The following BTAF1 variants were observed in gnomAD, a reference collection of about 807,000 sequenced individuals.
The protein encoded by BTAF1 is TATA-binding protein-associated factor 172.
Under a neutral mutation model 227.1 loss-of-function variants are expected in BTAF1, and 38 were observed. That is an observed-to-expected ratio of 0.17 (90% CI 0.13 to 0.22). The LOEUF (loss-of-function observed/expected upper bound fraction) is 0.22. BTAF1 is among the 10% of genes least tolerant of loss of function. BTAF1 has a pLI of 1.00. For synonymous variants in BTAF1, 742 were observed against 751.9 expected (o/e 0.99, Z 0.21); for missense variants, 1,598 against 2,204.0 (o/e 0.73, Z 5.51).
At chr10:92,017,833 G>A (rs1011423991) in intron 33 of BTAF1, among the ~76,000 whole-genome samples, 1 of 152,118 alleles carries the variant, frequency 6.6e-6, no homozygotes, top group African/African-American at 2.4e-5. Context: ...TTTAATCCTA[G>A]TGCTCAGCAC....
Position 91,924,084 on chromosome 10 carries a change from T to C in BTAF1, c.8T>C (p.Val3Ala). The change falls in exon 1 of 38, where the codon GTC becomes GCC. Residue 3 changes from valine (V) to alanine (A), a missense_variant. By Grantham distance (64) the Val-to-Ala change is moderately conservative. Coordinates refer to ENST00000265990, the MANE Select transcript of BTAF1 (RefSeq NM_003972.3). The part of the protein sequence containing the change: MA[V>A]SRLDRLFILL... ...AACCGCCGGCGCCCGGCCATGGCGGTCTCCAGGTGGGTCTTGCTCCTGACG... is the reference window on the plus strand; with the variant it reads ...AACCGCCGGCGCCCGGCCATGGCGGCCTCCAGGTGGGTCTTGCTCCTGACG... 1.2e-6 allele frequency: 2 copies of C among 1,608,656 alleles called. No individual in the cohort carries two copies. The highest frequency in any genetic ancestry group is 1.7e-6 in the Non-Finnish European group (2 of 1,178,402).
In BTAF1 at chr10:91,989,566, A is replaced by G; in HGVS notation, c.2840A>G (p.Gln947Arg). The G allele has an allele frequency of 6.3e-7, 1 of 1,597,792 alleles. No individual in the cohort carries two copies. Among genetic ancestry groups the G allele is most frequent in the Non-Finnish European group, 8.5e-7 (1 of 1,175,254 alleles). Residue 947 changes from glutamine to arginine, a missense_variant, in exon 20 of 38, where the codon CAG (glutamine) becomes CGG (arginine). Coordinates refer to ENST00000265990, the MANE Select transcript of BTAF1 (RefSeq NM_003972.3). ...TGTCCAGTACCAACACAAAGTGGCC[A>G]GGAAAATTCTAAAGGTATATACCTA... ...VTCPVPTQSGQENSKGSTSEK... is the reference protein window; with the variant it reads ...VTCPVPTQSGRENSKGSTSEK...
At chr10:91,953,629 G>T in intron 5 of BTAF1, 108 bp from the exon 6 acceptor site, 1 of 1,188,602 alleles carries the variant, frequency 8.4e-7, no homozygotes, top group Non-Finnish European at 1.2e-6. Flanking sequence ...GAATGTGATC[G>T]ATGTATATAT....
chr10:91,940,376 A>C (rs376373647), intron 3 of BTAF1, among the ~76,000 whole-genome samples: 1 of 152,122 alleles, frequency 6.6e-6, no homozygotes. Context: ...TACAGTGTAA[A>C]TATTTGAAAG....
intron 2 of BTAF1, among the ~76,000 whole-genome samples, chr10:91,939,152 C>A (rs1345509603): frequency 6.6e-6 from 1 of 152,044 alleles, no homozygotes; most frequent in South Asian, 2.1e-4. Context: ...TTTCATTGTA[C>A]AAGTCATACA....
chr10:91,956,548 A>T lies in BTAF1; in HGVS notation c.722A>T (p.Glu241Val), dbSNP rs752910375. 1 of 1,600,684 alleles carries T rather than the reference A, an allele frequency of 6.2e-7. No individual in the cohort carries two copies. Among genetic ancestry groups the T allele is most frequent in the Non-Finnish European group, 8.5e-7 (1 of 1,176,540 alleles). Residue 241 changes from glutamate to valine, a missense_variant, in exon 7 of 38, where the codon GAG (glutamate) becomes GTG (valine). This residue lies in a region of BTAF1 where 298 missense variants were observed against 395.2 expected (regional missense o/e 0.75). Transcript: ENST00000265990. Reference sequence around the variant, plus strand: ...TTTAGCAATGATAGCACTGATGGGGAGCCAGAAGAAAAGAGACGGAAAATA... The same window carrying T: ...TTTAGCAATGATAGCACTGATGGGGTGCCAGAAGAAAAGAGACGGAAAATA... Reference protein sequence around the residue: ...NEKSNDSTDGEPEEKRRKIAN... With the variant: ...NEKSNDSTDGVPEEKRRKIAN...
rs145047533 is a variant in BTAF1, at chr10:92,014,102, A to G, written c.4584+73A>G. 282 of 1,477,668 alleles carry G rather than the reference A, an allele frequency of 1.9e-4. 1 individual carries two copies. In the African/African-American group the frequency reaches 2.9e-3, roughly 15 times the overall value. The allele number at this position is 1,477,668 out of a possible 1,614,324, so 91.5% of individuals were successfully genotyped here. A position where few individuals can be genotyped will look rare whatever the true frequency, so the allele number is the denominator to read the frequency against. ...ATTGTTTTGTATGAGCCACAAAACT[A>G]TTGAATAAAGGGGCTTAGCCTTTGG... On this transcript the variant is annotated intron_variant, in intron 32 of 37. Coordinates refer to ENST00000265990, the MANE Select transcript of BTAF1 (RefSeq NM_003972.3).
intron 14 of BTAF1, among the ~76,000 whole-genome samples, chr10:91,976,729 C>T (rs1210722149): frequency 6.6e-6 from 1 of 152,150 alleles, no homozygotes; most frequent in African/African-American, 2.4e-5. Context: ...GCAACTATTC[C>T]TTACGATACG....
At chr10:92,005,216 G>T (rs1849798744) in intron 25 of BTAF1, among the ~76,000 whole-genome samples, 1 of 151,164 alleles carries the variant, frequency 6.6e-6, no homozygotes. Context: ...GCTATCTGGG[G>T]TTTTTGTGGT....
intron 4 of BTAF1, among the ~76,000 whole-genome samples, chr10:91,943,779 G>T (rs1380914217): frequency 2.6e-5 from 4 of 152,112 alleles, no homozygotes; most frequent in Admixed American, 6.5e-5. Context: ...CATTATCAGA[G>T]ATCAAAATTA....
chr10:91,928,771 C>G (rs1163037398), intron 1 of BTAF1, among the ~76,000 whole-genome samples: 5 of 121,620 alleles, frequency 4.1e-5, no homozygotes, highest in East Asian at 5.1e-4. Context: ...CCCCCCCCCC[C>G]CCGCCCCCCA....
At chr10:91,989,041 A>G (rs1173991541) in intron 19 of BTAF1, 113 bp from the exon 20 acceptor site, 13 of 887,754 alleles carry the variant, frequency 1.5e-5, no homozygotes, top group African/African-American at 1.4e-4. Flanking sequence ...ACAATATTAC[A>G]TATTGTGGAA....
chr10:91,933,575 A>G (rs1376521956), intron 1 of BTAF1, among the ~76,000 whole-genome samples: 3 of 152,212 alleles, frequency 2.0e-5, no homozygotes, highest in Non-Finnish European at 2.9e-5. Flanking sequence ...AAGTATTGTA[A>G]GAATGGGGTG....
intron 5 of BTAF1, among the ~76,000 whole-genome samples, chr10:91,952,543 T>C (rs1029550846): frequency 6.6e-6 from 1 of 152,228 alleles, no homozygotes; most frequent in African/African-American, 2.4e-5. Flanking sequence ...TTTGCAATTA[T>C]GAATCTCCTG....
chr10:91,938,942 A>G (rs10882003), intron 2 of BTAF1, among the ~76,000 whole-genome samples: 40,322 of 145,582 alleles, frequency 0.28, 6,805 homozygotes, highest in Non-Finnish European at 0.38. Context: ...TTGCATTTGC[A>G]TATACATTTT....
chr10:91,978,927 C>T (rs575033670), intron 14 of BTAF1, among the ~76,000 whole-genome samples: 6 of 148,158 alleles, frequency 4.0e-5, no homozygotes. Flanking sequence ...TATTTTGCCA[C>T]CTAGGTACTA....
chr10:92,025,923 T>C (rs1379237626), intron 35 of BTAF1, among the ~76,000 whole-genome samples: 1 of 152,066 alleles, frequency 6.6e-6, no homozygotes, highest in Non-Finnish European at 1.5e-5. Flanking sequence ...GACTCCTGGC[T>C]CTGCTATTTA....
At chr10:92,014,181 G>C in intron 32 of BTAF1, 152 bp downstream of exon 32, 1 of 864,578 alleles carries the variant, frequency 1.2e-6, no homozygotes. Flanking sequence ...TTGAGTGTAT[G>C]CATTTTGAAT....
chr10:92,027,496 G>C (rs1418238827), intron 37 of BTAF1, among the ~76,000 whole-genome samples, 196 bp downstream of exon 37: 1 of 149,968 alleles, frequency 6.7e-6, no homozygotes, highest in Admixed American at 6.6e-5. Context: ...TTTTTTCATT[G>C]ATGTCTTCAG....
Sources: allele counts gnomAD v4.1 joint callset (sites outside exome capture counted in the v4.1 genomes callset), GRCh38; gene constraint gnomAD v4.1.1; regional missense constraint gnomAD v4.1.1; transcripts MANE v1.5; gene names NCBI Gene and HGNC (gene_info 2026-07-23, HGNC 2026-07-21).